Variants in UNC13B observed in about 807,000 individuals in gnomAD.
UNC13B encodes the protein unc-13 homolog B, also known as protein unc-13 homolog B.
UNC13B carries 144 observed loss-of-function variants against 211.0 expected under a neutral mutation model. That is an observed-to-expected ratio of 0.68 (90% CI 0.60 to 0.78). UNC13B has a LOEUF of 0.78. Among genes scored for constraint, UNC13B ranks in the 30% least tolerant of loss-of-function variants. UNC13B has a pLI of 0.00. For synonymous variants in UNC13B, 709 were observed against 725.8 expected (o/e 0.98, Z 0.37); for missense variants, 1,777 against 2,002.0 (o/e 0.89, Z 2.14).
chr9:35,362,669 G>A (rs1334371540), intron 11 of UNC13B, among the ~76,000 whole-genome samples: 1 of 152,064 alleles, frequency 6.6e-6, no homozygotes, highest in Non-Finnish European at 1.5e-5. Flanking sequence ...GCATGGTGGT[G>A]GGCGCCTGTA....
chr9:35,242,791 G>A (rs570040536), intron 5 of UNC13B, among the ~76,000 whole-genome samples: 7 of 152,190 alleles, frequency 4.6e-5, no homozygotes, highest in Non-Finnish European at 5.9e-5. Context: ...CACCTCTTTC[G>A]TATATATAAT....
At chr9:35,206,154 T>C (rs1430537079) in intron 1 of UNC13B, among the ~76,000 whole-genome samples, 1 of 152,082 alleles carries the variant, frequency 6.6e-6, no homozygotes, top group Admixed American at 6.6e-5. Flanking sequence ...ACTCCCTCTG[T>C]TGTCCAGGCT....
intron 11 of UNC13B, among the ~76,000 whole-genome samples, chr9:35,324,658 T>A (rs1423504930): frequency 1.3e-5 from 2 of 152,202 alleles, no homozygotes; most frequent in South Asian, 2.1e-4. Context: ...GCACAGTCCC[T>A]CCTGTTTTGA....
intron 6 of UNC13B, among the ~76,000 whole-genome samples, chr9:35,254,947 T>TTA (rs1564095980): frequency 1.7e-5 from 2 of 120,920 alleles, no homozygotes; most frequent in African/African-American, 6.6e-5. Context: ...TATTAATATA[T>TTA]GTATATAATA....
chr9:35,264,707 A>T lies in UNC13B; in HGVS notation c.526+5657A>T, dbSNP rs186813558. Among the ~76,000 whole-genome samples, 91 of 152,320 alleles carry T rather than the reference A, an allele frequency of 6.0e-4. 1 individual carries two copies. Among genetic ancestry groups the T allele is most frequent in the Admixed American group, 5.8e-3 (89 of 15,290 alleles). On this transcript the variant is annotated intron_variant, in intron 7 of 39. Coordinates refer to ENST00000635942, the MANE Select transcript of UNC13B (RefSeq NM_001371189.2). ...TGGGGGCAAGGTCATTTACTTCATT[A>T]TGTAAGAGGGCAGGCTTATCACAGT...
intron 37 of UNC13B, 124 bp downstream of exon 37, chr9:35,400,567 C>A: frequency 8.3e-7 from 1 of 1,204,128 alleles, no homozygotes; most frequent in Non-Finnish European, 1.1e-6. Flanking sequence ...CCTTCAAATT[C>A]AGATCTCTAT....
intron 1 of UNC13B, among the ~76,000 whole-genome samples, chr9:35,220,359 G>A (rs192484193): frequency 2.3e-4 from 35 of 150,378 alleles, no homozygotes; most frequent in African/African-American, 8.3e-4. Flanking sequence ...TCCCCCTGTT[G>A]TGCTATCACA....
intron 11 of UNC13B, among the ~76,000 whole-genome samples, chr9:35,362,267 A>C (rs1833466985): frequency 6.6e-6 from 1 of 152,184 alleles, no homozygotes; most frequent in Non-Finnish European, 1.5e-5. Flanking sequence ...AGAGAGGGAG[A>C]GATCCATTGT....
Position 35,301,431 on chromosome 9 carries a change from A to G in UNC13B, c.2027A>G (p.Gln676Arg). 2 of 398,862 alleles carry G rather than the reference A, an allele frequency of 5.0e-6. No individual in the cohort carries two copies. Among genetic ancestry groups the G allele is most frequent in the Non-Finnish European group, 8.9e-6 (2 of 225,942 alleles). The allele number at this position is 398,862 out of a possible 1,614,324, so 24.7% of individuals were successfully genotyped here. A position where few individuals can be genotyped will look rare whatever the true frequency, so the allele number is the denominator to read the frequency against. ...EKEETKKDDDQSKPPRKESFV... is the reference protein window; with the variant it reads ...EKEETKKDDDRSKPPRKESFV... The stretch of plus-strand genomic sequence containing the variant: ...GAGGAAACAAAAAAAGATGATGACC[A>G]GAGTAAGCCACCAAGAAAAGAAAGC... Residue 676 changes from glutamine (Q) to arginine (R), a missense_variant, in exon 9 of 40, where the codon CAG becomes CGG. Gln to Arg is a conservative substitution (Grantham distance 43, BLOSUM62 1). Transcript: ENST00000635942.
At chr9:35,379,988 A>G (rs1177677918) in intron 17 of UNC13B, among the ~76,000 whole-genome samples, 1 of 152,168 alleles carries the variant, frequency 6.6e-6, no homozygotes, top group African/African-American at 2.4e-5. Context: ...GAAGTTCACC[A>G]AGCACATAGT....
At chr9:35,351,395 G>A (rs924632319) in intron 11 of UNC13B, 1 of 1,229,460 alleles carries the variant, frequency 8.1e-7, no homozygotes, top group South Asian at 4.3e-5. Context: ...CAAAGCATCA[G>A]CCAGCAATAA....
chr9:35,295,662 TG>T, intron 7 of UNC13B, 33 bp from the exon 8 acceptor site: 1 of 1,587,374 alleles, frequency 6.3e-7, no homozygotes. Context: ...TAAATAAAGC[TG>T]GGGTGCTTTG....
chr9:35,233,941 A>G (rs1376739076), intron 3 of UNC13B, among the ~76,000 whole-genome samples: 1 of 152,150 alleles, frequency 6.6e-6, no homozygotes, highest in Non-Finnish European at 1.5e-5. Context: ...CTTATAGAAT[A>G]TATACTCATT....
At position 35,398,921 on chromosome 9, in the gene UNC13B, C is replaced by T. The variant is rs766039484; in HGVS notation, c.11961C>T (p.Ala3987=). The T allele has an allele frequency of 1.5e-5, 24 of 1,613,994 alleles. No individual in the cohort carries two copies. Among genetic ancestry groups the T allele is most frequent in the Admixed American group, 3.3e-5 (2 of 59,998 alleles). The stretch of plus-strand genomic sequence containing the variant: ...TTGATGAGTGTGTTCGACAAATGGC[C>T]GACATCCTGGGCCAGGTTCGGGGCA... ...VRIDECVRQM[A]DILGQVRGTG... is the part of the protein sequence containing the mutation. Residue 3987 remains alanine, a synonymous_variant, in exon 33 of 40, where the codon GCC becomes GCT. Coordinates refer to ENST00000635942, the MANE Select transcript of UNC13B (RefSeq NM_001371189.2).
At chr9:35,194,307 C>T (rs372527160) in intron 1 of UNC13B, among the ~76,000 whole-genome samples, 4 of 152,122 alleles carry the variant, frequency 2.6e-5, no homozygotes, top group African/African-American at 4.8e-5. Context: ...CAGTCGCAGA[C>T]AGGAAAGGAG....
Position 35,303,081 on chromosome 9 carries a change from C to A in UNC13B, c.3677C>A (p.Pro1226His). ...AACCATTTATCCTTGGATGAGGTCC[C>A]TGCTACTTCATGTGTGACTTCTGAG... Reference protein sequence around the residue: ...GDNHLSLDEVPATSCVTSENP... With the variant: ...GDNHLSLDEVHATSCVTSENP... Residue 1226 changes from proline to histidine, a missense_variant, in exon 9 of 40, where the codon CCT (proline) becomes CAT (histidine). Transcript: ENST00000635942. The A allele has an allele frequency of 2.5e-6, 1 of 398,694 alleles. No individual in the cohort carries two copies. Among genetic ancestry groups the A allele is most frequent in the South Asian group, 1.3e-4 (1 of 7,840 alleles). 24.7% of individuals were successfully genotyped at this position (398,694 alleles called of 1,614,324 possible).
At chr9:35,221,259 G>A (rs1160442209) in intron 1 of UNC13B, among the ~76,000 whole-genome samples, 2 of 152,110 alleles carry the variant, frequency 1.3e-5, no homozygotes, top group East Asian at 1.9e-4. Flanking sequence ...TGGTAAAGAC[G>A]AGTTTTCACC....
intron 6 of UNC13B, among the ~76,000 whole-genome samples, chr9:35,246,697 T>C (rs1826122324): frequency 6.6e-6 from 1 of 152,230 alleles, no homozygotes; most frequent in South Asian, 2.1e-4. Context: ...TCTGTTTTGT[T>C]CCATTGATCT....
At chr9:35,382,201 G>A (rs1587738294) in intron 20 of UNC13B, among the ~76,000 whole-genome samples, 156 bp from the exon 21 acceptor site, 1 of 152,308 alleles carries the variant, frequency 6.6e-6, no homozygotes, top group Non-Finnish European at 1.5e-5. Context: ...CAGTGAGGCT[G>A]CCCCTAGAGC....
Sources: allele counts gnomAD v4.1 joint callset (sites outside exome capture counted in the v4.1 genomes callset), GRCh38; gene constraint gnomAD v4.1.1; transcripts MANE v1.5; gene names NCBI Gene and HGNC (gene_info 2026-07-23, HGNC 2026-07-21).